Variants in XYLT1 observed in about 807,000 individuals in gnomAD.
XYLT1 encodes beta-D-xylosyltransferase 1.
In XYLT1, 36 loss-of-function variants were observed where a neutral mutation model predicts 91.3. That is an observed-to-expected ratio of 0.39 (90% CI 0.30 to 0.52). XYLT1 has a LOEUF of 0.52. XYLT1 is among the 20% of genes least tolerant of loss of function. The probability of loss-of-function intolerance (pLI) is 0.68; values close to 1 mark genes in which losing one functional copy is unlikely to be tolerated. For synonymous variants in XYLT1, 588 were observed against 532.0 expected (o/e 1.11, Z -1.45); for missense variants, 1,242 against 1,284.5 (o/e 0.97, Z 0.51).
intron 5 of XYLT1, among the ~76,000 whole-genome samples, chr16:17,160,596 G>A (rs1203647516): frequency 6.6e-6 from 1 of 152,208 alleles, no homozygotes; most frequent in Non-Finnish European, 1.5e-5. Flanking sequence ...CACCCCGTGT[G>A]TCTGCAGGGA....
At chr16:17,411,918 G>A (rs1033695172) in intron 1 of XYLT1, among the ~76,000 whole-genome samples, 3 of 152,062 alleles carry the variant, frequency 2.0e-5, no homozygotes, top group Non-Finnish European at 4.4e-5. Flanking sequence ...CTCACAATCC[G>A]GCTGCCCATC....
chr16:17,402,293 C>A (rs1357639979), intron 1 of XYLT1, among the ~76,000 whole-genome samples: 1 of 151,668 alleles, frequency 6.6e-6, no homozygotes. Flanking sequence ...GTACTCCAGC[C>A]TGGGCAACGG....
chr16:17,460,894 C>T (rs901110176), intron 1 of XYLT1, among the ~76,000 whole-genome samples: 1 of 152,208 alleles, frequency 6.6e-6, no homozygotes, highest in Non-Finnish European at 1.5e-5. Context: ...ACATCTCCTA[C>T]GATGTGGCTG....
At chr16:17,119,970 C>G (rs1295419974) in intron 10 of XYLT1, among the ~76,000 whole-genome samples, 1 of 152,186 alleles carries the variant, frequency 6.6e-6, no homozygotes, top group Non-Finnish European at 1.5e-5. Context: ...CAGTTTTCAT[C>G]AGGCCAGAGA....
At chr16:17,467,184 T>TA (rs529916553) in intron 1 of XYLT1, among the ~76,000 whole-genome samples, 12 of 152,168 alleles carry the variant, frequency 7.9e-5, no homozygotes, top group Non-Finnish European at 1.8e-4. Flanking sequence ...GGAAGGGTAA[T>TA]AAAAAATTAG....
At chr16:17,204,399 CAGTT>C (rs1264572485) in intron 3 of XYLT1, among the ~76,000 whole-genome samples, 5 of 150,274 alleles carry the variant, frequency 3.3e-5, no homozygotes, top group African/African-American at 1.2e-4. Flanking sequence ...TTGGGTCAGA[CAGTT>C]AGTCTGGGGA....
rs2035727452 is a variant in XYLT1, at chr16:17,384,823, T to A, written c.364-26773A>T. ...CCGCATTCCAAACTCATCTGACTTCTCTTTGACAGCACCGGTATGTAAAGA... is the reference window on the plus strand; with the variant it reads ...CCGCATTCCAAACTCATCTGACTTCACTTTGACAGCACCGGTATGTAAAGA... On this transcript the variant is annotated intron_variant, in intron 1 of 11. Transcript: ENST00000261381. Among the ~76,000 whole-genome samples the A allele has an allele frequency of 2.0e-5, 3 of 151,924 alleles. No individual in the cohort carries two copies. In the South Asian group the frequency reaches 6.2e-4, roughly 32 times the overall value.
chr16:17,108,931 G>C lies in XYLT1; in HGVS notation c.2644C>G (p.Pro882Ala). The change falls in exon 12 of 12, where the codon CCC becomes GCC. Residue 882 changes from proline to alanine, a missense_variant. Pro to Ala is a conservative substitution (Grantham distance 27). Transcript: ENST00000261381. ...TGTTCCACCTGGGCGGGGTTGATGGGCAGGCTGAGGACGGGGTTTAGGCTC... is the reference window on the plus strand; with the variant it reads ...TGTTCCACCTGGGCGGGGTTGATGGCCAGGCTGAGGACGGGGTTTAGGCTC... Reference protein sequence around the residue: ...FQSLNPVLSLPINPAQVEQAR... With the variant: ...FQSLNPVLSLAINPAQVEQAR... The C allele has an allele frequency of 6.3e-7, 1 of 1,598,794 alleles. No individual in the cohort carries two copies.
intron 1 of XYLT1, among the ~76,000 whole-genome samples, chr16:17,399,573 G>A (rs1050957006): frequency 6.6e-6 from 1 of 152,138 alleles, no homozygotes; most frequent in African/African-American, 2.4e-5. Flanking sequence ...ATCATGCCCC[G>A]GTTGCACAGT....
At chr16:17,416,468 A>C (rs550411930) in intron 1 of XYLT1, among the ~76,000 whole-genome samples, 163 of 152,286 alleles carry the variant, frequency 1.1e-3, no homozygotes, top group Non-Finnish European at 2.0e-3. Flanking sequence ...GGGGCCTGAG[A>C]TGCGAAAGCA....
At chr16:17,460,647 G>A (rs1349412509) in intron 1 of XYLT1, among the ~76,000 whole-genome samples, 1 of 152,136 alleles carries the variant, frequency 6.6e-6, no homozygotes, top group Admixed American at 6.5e-5. Context: ...GGACTCTTAG[G>A]GACCCAGTGG....
chr16:17,132,531 T>TAGTAC (rs113780945), intron 9 of XYLT1, among the ~76,000 whole-genome samples: 670 of 49,892 alleles, frequency 0.013, 7 homozygotes, highest in African/African-American at 0.025. Flanking sequence ...CCTGAGCAGT[T>TAGTAC]AGTACATGGC....
chr16:17,292,243 A>C (rs12919911), intron 2 of XYLT1, among the ~76,000 whole-genome samples: 1 of 151,982 alleles, frequency 6.6e-6, no homozygotes, highest in African/African-American at 2.4e-5. Context: ...GTTTTATGAG[A>C]GATATGACCT....
intron 1 of XYLT1, among the ~76,000 whole-genome samples, chr16:17,401,727 TTATTA>T (rs1455967276): frequency 6.6e-6 from 1 of 151,872 alleles, no homozygotes; most frequent in Non-Finnish European, 1.5e-5. Context: ...ATTATTATTA[TTATTA>T]TATCAACTTC....
At chr16:17,401,368 A>T (rs532632870) in intron 1 of XYLT1, among the ~76,000 whole-genome samples, 1 of 152,182 alleles carries the variant, frequency 6.6e-6, no homozygotes. Flanking sequence ...GCCTAAATTT[A>T]TACAGAGAGA....
intron 3 of XYLT1, among the ~76,000 whole-genome samples, chr16:17,201,465 G>C (rs1397594641): frequency 1.3e-5 from 2 of 151,680 alleles, no homozygotes; most frequent in East Asian, 1.9e-4. Context: ...TACTACATAA[G>C]AGAGGTTATC....
intron 1 of XYLT1, among the ~76,000 whole-genome samples, chr16:17,456,331 C>G (rs1269743751): frequency 7.1e-6 from 1 of 140,988 alleles, no homozygotes; most frequent in Non-Finnish European, 1.5e-5. Context: ...ACAGTACAAA[C>G]CTTTTTTTTT....
chr16:17,283,299 T>C (rs2034085138), intron 2 of XYLT1, among the ~76,000 whole-genome samples: 1 of 152,168 alleles, frequency 6.6e-6, no homozygotes, highest in Non-Finnish European at 1.5e-5. Context: ...TTCTTTAATA[T>C]CTGTCAGGAG....
intron 10 of XYLT1, among the ~76,000 whole-genome samples, chr16:17,121,355 G>A (rs995221548): frequency 5.3e-5 from 8 of 152,116 alleles, no homozygotes; most frequent in Admixed American, 2.0e-4. Flanking sequence ...GAGCGTGAAG[G>A]GTGAGGTGTG....
Sources: allele counts gnomAD v4.1 joint callset (sites outside exome capture counted in the v4.1 genomes callset), GRCh38; gene constraint gnomAD v4.1.1; transcripts MANE v1.5; gene names NCBI Gene and HGNC (gene_info 2026-07-23, HGNC 2026-07-21).